FGGY: variants seen among roughly 807,000 people sequenced by gnomAD.
FGGY encodes the protein FGGY carbohydrate kinase domain containing, also known as FGGY carbohydrate kinase domain-containing protein.
FGGY carries 72 observed loss-of-function variants against 71.3 expected under a neutral mutation model. The ratio of observed to expected loss-of-function variants is 1.01; its 90% CI spans 0.84 to 1.23. FGGY has a LOEUF of 1.23. Among genes scored for constraint, FGGY ranks in the 50% most tolerant of loss-of-function variants. The pLI is 0.00. For synonymous variants in FGGY, 251 were observed against 250.3 expected, an observed-to-expected ratio of 1.00 and a Z score of -0.02; for missense variants, 668 against 682.3, an observed-to-expected ratio of 0.98 and a Z score of 0.23.
chr1:59,654,810 A>G (rs940440075), intron 11 of FGGY, among the ~76,000 whole-genome samples: 4 of 152,196 alleles, frequency 2.6e-5, no homozygotes, highest in African/African-American at 7.2e-5. Context: ...ATCCCAGGAA[A>G]GAGTTGAGAG....
At chr1:59,312,224 TTTC>T (rs2044477170) in intron 1 of FGGY, among the ~76,000 whole-genome samples, 1 of 152,246 alleles carries the variant, frequency 6.6e-6, no homozygotes, top group Non-Finnish European at 1.5e-5. Flanking sequence ...CTGCTGATAG[TTTC>T]TTTTGCTCTG....
chr1:59,705,240 G>A (rs756132160), intron 14 of FGGY, among the ~76,000 whole-genome samples: 4 of 152,004 alleles, frequency 2.6e-5, no homozygotes, highest in Non-Finnish European at 4.4e-5. Flanking sequence ...ATCTGGTACC[G>A]GAGTTTTAAA....
chr1:59,379,419 A>G (rs1053555062), intron 5 of FGGY, among the ~76,000 whole-genome samples: 1 of 152,122 alleles, frequency 6.6e-6, no homozygotes, highest in Non-Finnish European at 1.5e-5. Flanking sequence ...ACTTATTTGT[A>G]TATCTAAACA....
intron 2 of FGGY, among the ~76,000 whole-genome samples, chr1:59,338,846 A>G (rs1338111974): frequency 5.3e-5 from 8 of 152,208 alleles, no homozygotes. Context: ...ATTTTAATAA[A>G]TGTCAAATTA....
At chr1:59,345,718 A>G (rs1198253479) in intron 3 of FGGY, among the ~76,000 whole-genome samples, 2 of 100,090 alleles carry the variant, frequency 2.0e-5, no homozygotes, top group Non-Finnish European at 3.9e-5. Context: ...CCAAATGAGG[A>G]AAAAAAAAAA....
rs950540972 is a variant in FGGY, at chr1:59,687,399, G to C, written c.1512+13266G>C. On this transcript the variant is annotated intron_variant, in intron 14 of 15. Transcript: ENST00000303721. ...CTAAGAGGGGTAGCATCTGTCTGCT[G>C]TCGGTAACCTCTGTGTGGCTTCAAC... Among the ~76,000 whole-genome samples, 3 of 152,234 alleles carry C rather than the reference G, an allele frequency of 2.0e-5. No individual in the cohort carries two copies. In the East Asian group the frequency reaches 5.8e-4, roughly 29 times the overall value.
intron 5 of FGGY, among the ~76,000 whole-genome samples, chr1:59,379,906 C>G (rs900081788): frequency 6.6e-6 from 1 of 151,920 alleles, no homozygotes; most frequent in Non-Finnish European, 1.5e-5. Flanking sequence ...CCCATTAACT[C>G]GTCATTTACA....
At chr1:59,732,246 G>A (rs1005272501) in intron 14 of FGGY, among the ~76,000 whole-genome samples, 3 of 152,050 alleles carry the variant, frequency 2.0e-5, no homozygotes, top group Admixed American at 1.3e-4. Flanking sequence ...TTCTCTCCCC[G>A]CCATGTACAT....
At chr1:59,646,642 C>G (rs1387246743) in intron 11 of FGGY, among the ~76,000 whole-genome samples, 1 of 152,026 alleles carries the variant, frequency 6.6e-6, no homozygotes, top group Non-Finnish European at 1.5e-5. Context: ...TTTTCAGGCA[C>G]CTGATGCACC....
intron 8 of FGGY, among the ~76,000 whole-genome samples, chr1:59,554,940 G>A (rs560341255): frequency 1.3e-5 from 2 of 152,216 alleles, no homozygotes; most frequent in Non-Finnish European, 2.9e-5. Context: ...ATAGAGGGCA[G>A]AGTGGGGGAG....
At position 59,467,028 on chromosome 1, in the gene FGGY, G is replaced by A. The variant is rs141704108; in HGVS notation, c.670+9952G>A. Among the ~76,000 whole-genome samples the A allele has an allele frequency of 7.8e-3, 1,185 of 152,274 alleles. 16 individuals are homozygous for A. Among genetic ancestry groups the A allele is most frequent in the African/African-American group, 0.027 (1,130 of 41,556 alleles). On this transcript the variant is annotated intron_variant, in intron 6 of 15. Transcript: ENST00000303721. ...TATATACCCACGGATTATACATCAT[G>A]CTACTATAAAGACACGCGTACACGT...
chr1:59,536,861 C>T (rs1406501022), intron 7 of FGGY, among the ~76,000 whole-genome samples: 1 of 152,030 alleles, frequency 6.6e-6, no homozygotes, highest in Non-Finnish European at 1.5e-5. Context: ...ATAATAAGAG[C>T]TATTTATGAC....
intron 9 of FGGY, among the ~76,000 whole-genome samples, chr1:59,624,140 T>C (rs980932315): frequency 2.0e-5 from 3 of 152,106 alleles, no homozygotes; most frequent in Admixed American, 6.5e-5. Context: ...TTTTTTTTCA[T>C]TGAAATGACC....
intron 14 of FGGY, among the ~76,000 whole-genome samples, chr1:59,719,688 AT>A (rs999760817): frequency 3.2e-4 from 48 of 152,362 alleles, no homozygotes; most frequent in African/African-American, 1.1e-3. Flanking sequence ...ATGTATAATT[AT>A]GTTTATAAAA....
At chr1:59,591,062 C>A (rs549737831) in intron 8 of FGGY, among the ~76,000 whole-genome samples, 2 of 152,296 alleles carry the variant, frequency 1.3e-5, no homozygotes, top group Admixed American at 6.5e-5. Flanking sequence ...CCCAAAATCT[C>A]CTCAAGCTGA....
chr1:59,748,304 G>A (rs1453126225), intron 14 of FGGY, among the ~76,000 whole-genome samples: 1 of 152,062 alleles, frequency 6.6e-6, no homozygotes, highest in East Asian at 1.9e-4. Context: ...TGCTATCAAG[G>A]GTTATGAGGA....
At chr1:59,570,555 G>A (rs1273903736) in intron 8 of FGGY, among the ~76,000 whole-genome samples, 14 of 152,152 alleles carry the variant, frequency 9.2e-5, no homozygotes, top group Non-Finnish European at 2.1e-4. Flanking sequence ...AACAATTAGA[G>A]ATTGTGGAAT....
At chr1:59,737,658 C>G (rs1409171435) in intron 14 of FGGY, among the ~76,000 whole-genome samples, 1 of 152,206 alleles carries the variant, frequency 6.6e-6, no homozygotes, top group Non-Finnish European at 1.5e-5. Flanking sequence ...GCCTGTACCC[C>G]CATTGTATCT....
chr1:59,372,058 C>T (rs576704581), intron 4 of FGGY, among the ~76,000 whole-genome samples: 45 of 152,206 alleles, frequency 3.0e-4, no homozygotes, highest in African/African-American at 1.0e-3. Flanking sequence ...TAACTAAGAT[C>T]AGAGCAGAAC....
Sources: allele counts gnomAD v4.1 joint callset (sites outside exome capture counted in the v4.1 genomes callset), GRCh38; gene constraint gnomAD v4.1.1; transcripts MANE v1.5; gene names NCBI Gene and HGNC (gene_info 2026-07-23, HGNC 2026-07-21).